SSPN: variants seen among roughly 807,000 people sequenced by gnomAD.
The protein encoded by SSPN is sarcospan, also known as K-ras oncogene-associated protein.
A neutral mutation model predicts 19.1 loss-of-function variants in SSPN; 15 were observed. The ratio of observed to expected loss-of-function variants is 0.78; its 90% CI spans 0.52 to 1.21. The LOEUF (loss-of-function observed/expected upper bound fraction) is 1.21, where lower values mean the gene tolerates loss of function less well. Among genes scored for constraint, SSPN ranks in the 50% most tolerant of loss-of-function variants. SSPN has a pLI of 0.00. For synonymous variants in SSPN, 147 were observed against 140.3 expected (o/e 1.05, Z -0.34); for missense variants, 291 against 314.0 (o/e 0.93, Z 0.55).
intron 1 of SSPN, among the ~76,000 whole-genome samples, chr12:26,224,056 A>G (rs1035189068): frequency 6.6e-6 from 1 of 152,234 alleles, no homozygotes; most frequent in Non-Finnish European, 1.5e-5. Context: ...GATCTTGTAT[A>G]GCACCTGGCA....
intron 1 of SSPN, among the ~76,000 whole-genome samples, chr12:26,171,610 C>T (rs1944653841): frequency 8.6e-6 from 1 of 116,672 alleles, no homozygotes; most frequent in Non-Finnish European, 1.7e-5. Context: ...TAGAATAATG[C>T]CCCTGTTTTC....
chr12:26,174,878 C>T (rs75958962), intron 1 of SSPN, among the ~76,000 whole-genome samples: 5,935 of 152,188 alleles, frequency 0.039, 156 homozygotes, highest in South Asian at 0.08. Flanking sequence ...GATTAGTTTG[C>T]GTTTTCTAGG....
At chr12:26,192,215 C>T (rs1477612695), upstream of SSPN, among the ~76,000 whole-genome samples, 1 of 152,214 alleles carries the variant, frequency 6.6e-6, no homozygotes, top group Non-Finnish European at 1.5e-5. Flanking sequence ...TACTGTCCTG[C>T]AATTTCTAAT....
chr12:26,207,886 G>A (rs1029017528), intron 1 of SSPN, among the ~76,000 whole-genome samples: 18 of 152,016 alleles, frequency 1.2e-4, no homozygotes, highest in African/African-American at 4.1e-4. Flanking sequence ...TGTTGTTCCA[G>A]CTACTCAGGA....
intron 1 of SSPN, among the ~76,000 whole-genome samples, chr12:26,201,210 C>T (rs1944882038): frequency 6.6e-6 from 1 of 150,928 alleles, no homozygotes; most frequent in Non-Finnish European, 1.5e-5. Flanking sequence ...TATCCCATCT[C>T]TACCAAAAAT....
rs190434094 is a variant in SSPN, at chr12:26,130,187, G to A, written c.-31+8035G>A. Reference sequence around the variant, plus strand: ...GTTGGATGGTGGAAGTCTGCAGGAAGAGGGGCCTTTTAATGTCTGTGTTTC... The same window carrying A: ...GTTGGATGGTGGAAGTCTGCAGGAAAAGGGGCCTTTTAATGTCTGTGTTTC... On this transcript the variant is annotated intron_variant, in intron 1 of 2. Coordinates refer to the SSPN transcript ENST00000538142. Among the ~76,000 whole-genome samples the A allele has an allele frequency of 1.1e-3, 167 of 152,328 alleles. 1 individual carries two copies. Among genetic ancestry groups the A allele is most frequent in the Admixed American group, 9.3e-3 (142 of 15,294 alleles).
At chr12:26,189,445 ACATTCTT>A (rs1377724856) in intron 1 of SSPN, among the ~76,000 whole-genome samples, 1 of 152,156 alleles carries the variant, frequency 6.6e-6, no homozygotes, top group African/African-American at 2.4e-5. Context: ...TTATAGTCTT[ACATTCTT>A]TCCTCCTACC....
At chr12:26,201,048 A>ATATATATATATAT (rs1944880110) in intron 1 of SSPN, among the ~76,000 whole-genome samples, 3 of 68,310 alleles carry the variant, frequency 4.4e-5, no homozygotes, top group African/African-American at 1.3e-4. Context: ...TATATATATT[A>ATATATATATATAT]TATATATATA....
At chr12:26,158,456 C>T (rs1351270470) in intron 1 of SSPN, among the ~76,000 whole-genome samples, 1 of 152,242 alleles carries the variant, frequency 6.6e-6, no homozygotes, top group Non-Finnish European at 1.5e-5. Flanking sequence ...TCCATCTCCC[C>T]AGACAACAAC....
intron 1 of SSPN, among the ~76,000 whole-genome samples, chr12:26,186,177 C>T (rs529599048): frequency 2.2e-4 from 33 of 150,302 alleles, no homozygotes; most frequent in African/African-American, 8.2e-4. Context: ...TGAGGGTACA[C>T]CCCAAACATA....
chr12:26,169,695 A>G (rs890919815), intron 1 of SSPN, among the ~76,000 whole-genome samples: 6 of 152,110 alleles, frequency 3.9e-5, no homozygotes, highest in Admixed American at 6.6e-5. Context: ...TAGAGGAAGG[A>G]GTAGGTCTAA....
intron 1 of SSPN, among the ~76,000 whole-genome samples, chr12:26,183,409 C>A (rs371381268): frequency 2.6e-5 from 4 of 152,184 alleles, no homozygotes; most frequent in African/African-American, 9.7e-5. Context: ...CCACTGCGCC[C>A]GGTCCCAAAC....
chr12:26,153,526 C>T (rs963005083), intron 1 of SSPN, among the ~76,000 whole-genome samples: 1 of 152,156 alleles, frequency 6.6e-6, no homozygotes, highest in African/African-American at 2.4e-5. Flanking sequence ...TAGTGCCTGC[C>T]ACACACTAAG....
chr12:26,204,090 G>A (rs958044523), intron 1 of SSPN, among the ~76,000 whole-genome samples: 3 of 152,124 alleles, frequency 2.0e-5, no homozygotes, highest in African/African-American at 7.2e-5. Flanking sequence ...AGCATTTCCG[G>A]TGAGGGTTAT....
chr12:26,191,269 A>T (rs1160038820), upstream of SSPN, among the ~76,000 whole-genome samples: 1 of 152,174 alleles, frequency 6.6e-6, no homozygotes, highest in Non-Finnish European at 1.5e-5. Context: ...CACCTTAAAA[A>T]TAGGTGAAAT....
chr12:26,145,987 C>A (rs16930176), intron 1 of SSPN, among the ~76,000 whole-genome samples: 34,421 of 152,114 alleles, frequency 0.23, 4,057 homozygotes, highest in East Asian at 0.31. Flanking sequence ...TCGACCATTG[C>A]CCTCTCACAT....
intron 1 of SSPN, among the ~76,000 whole-genome samples, chr12:26,159,920 C>T (rs1013969366): frequency 2.0e-5 from 3 of 152,176 alleles, no homozygotes; most frequent in African/African-American, 7.2e-5. Context: ...GATCAGGATC[C>T]CTTGTTAGAG....
In SSPN at chr12:26,195,641, G is replaced by GCGGGGGCCCCC; in HGVS notation, c.-31_-30insGGGGGCCCCCC. 9.0e-6 allele frequency: 10 copies of GCGGGGGCCCCC among 1,105,392 alleles called. No individual in the cohort carries two copies. Among genetic ancestry groups the GCGGGGGCCCCC allele is most frequent in the South Asian group, 3.7e-5 (1 of 27,366 alleles). The allele number at this position is 1,105,392 out of a possible 1,614,324, so 68.5% of individuals were successfully genotyped here. ...CTCCAGGGCCCAGGGCGCCGCACAC[G>GCGGGGGCCCCC]CACCCACCCACCCACCCAGCCTCGC... On this transcript the variant is annotated 5_prime_UTR_variant, in exon 1 of 3. Coordinates refer to ENST00000242729, the MANE Select transcript of SSPN (RefSeq NM_005086.5).
rs1045921746 is a variant in SSPN, at chr12:26,212,554, G to A, written c.280-11739G>A. On this transcript the variant is annotated intron_variant, in intron 1 of 2. Coordinates refer to ENST00000242729, the MANE Select transcript of SSPN (RefSeq NM_005086.5). Reference sequence around the variant, plus strand: ...AAATGACCAGATGAGGCTCTGTGTCGAAACCCAAACCCCTCGTGGGCAGGC... The same window carrying A: ...AAATGACCAGATGAGGCTCTGTGTCAAAACCCAAACCCCTCGTGGGCAGGC... 4.6e-5 allele frequency among the ~76,000 whole-genome samples: 7 copies of A among 151,854 alleles called. No homozygotes were observed. The East Asian group carries it at 9.6e-4, about 21-fold the overall frequency.
Sources: allele counts gnomAD v4.1 joint callset (sites outside exome capture counted in the v4.1 genomes callset), GRCh38; gene constraint gnomAD v4.1.1; transcripts MANE v1.5; gene names NCBI Gene and HGNC (gene_info 2026-07-23, HGNC 2026-07-21).